Variants in LRRC69 observed in about 807,000 individuals in gnomAD.
The protein encoded by LRRC69 is leucine rich repeat containing 69, also known as leucine-rich repeat-containing protein 69.
In LRRC69, 42 loss-of-function variants were observed where a neutral mutation model predicts 37.8. The ratio of observed to expected loss-of-function variants is 1.11; its 90% CI spans 0.87 to 1.44. The LOEUF is 1.44. Among genes scored for constraint, LRRC69 ranks in the 40% most tolerant of loss-of-function variants. The probability of loss-of-function intolerance (pLI) is 0.00; values close to 1 mark genes in which losing one functional copy is unlikely to be tolerated. For synonymous variants in LRRC69, 141 were observed against 143.1 expected (o/e 0.99, Z 0.11); for missense variants, 357 against 401.9 (o/e 0.89, Z 0.96).
intron 6 of LRRC69, among the ~76,000 whole-genome samples, chr8:91,194,579 A>G (rs998746881): frequency 2.0e-5 from 3 of 150,246 alleles, no homozygotes; most frequent in Non-Finnish European, 3.0e-5. Context: ...GTCTTGGGAG[A>G]GTGTATGTGT....
At chr8:91,118,777 A>G (rs978873157) in intron 1 of LRRC69, among the ~76,000 whole-genome samples, 3 of 152,064 alleles carry the variant, frequency 2.0e-5, no homozygotes, top group African/African-American at 4.8e-5. Context: ...TCCTTCAGGA[A>G]CTACACATAA....
At chr8:91,116,898 T>C (rs914325889) in intron 1 of LRRC69, among the ~76,000 whole-genome samples, 6 of 152,052 alleles carry the variant, frequency 3.9e-5, no homozygotes, top group African/African-American at 1.2e-4. Flanking sequence ...AAAATATCAC[T>C]ATACATTGAA....
At chr8:91,128,760 T>C (rs1342781894) in intron 3 of LRRC69, among the ~76,000 whole-genome samples, 2 of 152,122 alleles carry the variant, frequency 1.3e-5, no homozygotes. Flanking sequence ...ATTTTTATTC[T>C]AGCTTCTTTC....
At chr8:91,163,634 T>C (rs1373704571) in intron 5 of LRRC69, among the ~76,000 whole-genome samples, 1 of 151,480 alleles carries the variant, frequency 6.6e-6, no homozygotes, top group Admixed American at 6.6e-5. Flanking sequence ...CAGAAGACTT[T>C]GTGTTCTTTC....
chr8:91,168,979 A>T (rs762280312), intron 5 of LRRC69, among the ~76,000 whole-genome samples: 9 of 151,942 alleles, frequency 5.9e-5, no homozygotes, highest in Admixed American at 2.6e-4. Context: ...AACAAACTGA[A>T]TTTAAAATCT....
intron 3 of LRRC69, among the ~76,000 whole-genome samples, chr8:91,128,205 TGG>T (rs1563597693): frequency 2.6e-5 from 4 of 152,054 alleles, no homozygotes; most frequent in Admixed American, 2.0e-4. Flanking sequence ...TTTATGCCTT[TGG>T]ACCAGTAATT....
chr8:91,189,597 C>G (rs1449990525), exon 6 of LRRC69: 2 of 1,551,252 alleles, frequency 1.3e-6, no homozygotes, highest in East Asian at 4.9e-5. Context: ...GATTTCTACA[C>G]AGCAGGAGAA....
At chr8:91,139,694 T>C (rs1207880946) in intron 5 of LRRC69, among the ~76,000 whole-genome samples, 1 of 151,958 alleles carries the variant, frequency 6.6e-6, no homozygotes, top group African/African-American at 2.4e-5. Flanking sequence ...CCTCTTCATG[T>C]GTGTTTTTAG....
chr8:91,183,437 T>C (rs1809355610), intron 5 of LRRC69, among the ~76,000 whole-genome samples: 1 of 152,146 alleles, frequency 6.6e-6, no homozygotes, highest in Non-Finnish European at 1.5e-5. Context: ...GGAGTTAGTA[T>C]GTTTTCTATG....
chr8:91,210,562 GACACACACACACACACAC>G (rs35968986), intron 7 of LRRC69, among the ~76,000 whole-genome samples: 1 of 146,102 alleles, frequency 6.8e-6, no homozygotes, highest in Non-Finnish European at 1.5e-5. Flanking sequence ...CACACACACA[GACACACACACACACACAC>G]ACACACACAC....
At chr8:91,201,528 C>A (rs1483188079) in intron 7 of LRRC69, among the ~76,000 whole-genome samples, 9 of 151,172 alleles carry the variant, frequency 6.0e-5, no homozygotes, top group Non-Finnish European at 8.8e-5. Context: ...TTTTTTCAAC[C>A]ATTTAAAAAT....
intron 5 of LRRC69, among the ~76,000 whole-genome samples, chr8:91,165,972 A>G (rs1809021543): frequency 1.3e-5 from 2 of 151,716 alleles, no homozygotes; most frequent in Admixed American, 1.3e-4. Context: ...TTTAGGTCAT[A>G]ATAGAGTGAA....
chr8:91,211,616 ATTTT>A (rs34106795), intron 7 of LRRC69, among the ~76,000 whole-genome samples: 4 of 137,530 alleles, frequency 2.9e-5, no homozygotes, highest in African/African-American at 8.8e-5. Context: ...ATATATATAT[ATTTT>A]TTTTTTATTT....
intron 6 of LRRC69, among the ~76,000 whole-genome samples, chr8:91,199,996 T>C (rs1809685624): frequency 6.6e-6 from 1 of 152,186 alleles, no homozygotes; most frequent in African/African-American, 2.4e-5. Context: ...ACATATTTGG[T>C]TCCTAGAAAT....
intron 5 of LRRC69, among the ~76,000 whole-genome samples, chr8:91,144,803 T>A (rs1808589816): frequency 6.6e-6 from 1 of 152,002 alleles, no homozygotes. Flanking sequence ...CTGTTACTTG[T>A]CTAATTCAAA....
intron 5 of LRRC69, among the ~76,000 whole-genome samples, chr8:91,149,762 G>A (rs1808695584): frequency 6.6e-6 from 1 of 151,516 alleles, no homozygotes; most frequent in Non-Finnish European, 1.5e-5. Context: ...TTACTTCATT[G>A]AGCAGTGGTT....
At chr8:91,184,948 A>G (rs1390875455) in intron 5 of LRRC69, among the ~76,000 whole-genome samples, 1 of 152,154 alleles carries the variant, frequency 6.6e-6, no homozygotes, top group Non-Finnish European at 1.5e-5. Flanking sequence ...AGGAGTGTGC[A>G]TTTCATTTTG....
exon 8 of LRRC69, chr8:91,218,969 A>G (rs1174472140): frequency 6.4e-7 from 1 of 1,550,812 alleles, no homozygotes; most frequent in Non-Finnish European, 8.7e-7. Flanking sequence ...ACTCAACGTG[A>G]CCCTAACCTC....
At chr8:91,157,884 G>A (rs975714237) in intron 5 of LRRC69, 12 of 1,594,590 alleles carry the variant, frequency 7.5e-6, no homozygotes, top group Admixed American at 1.7e-5. Context: ...TTAGATAAGG[G>A]AGAGTTTTAC....
Sources: allele counts gnomAD v4.1 joint callset (sites outside exome capture counted in the v4.1 genomes callset), GRCh38; gene constraint gnomAD v4.1.1; transcripts MANE v1.5; gene names NCBI Gene and HGNC (gene_info 2026-07-23, HGNC 2026-07-21).